The following NRXN3 variants were observed in gnomAD, a reference collection of about 807,000 sequenced individuals.
The protein encoded by NRXN3 is neurexin III.
NRXN3 carries 32 observed loss-of-function variants against 137.6 expected under a neutral mutation model. That is an observed-to-expected ratio of 0.23 (90% CI 0.18 to 0.31). NRXN3 has a LOEUF of 0.31. Among genes scored for constraint, NRXN3 ranks in the 10% least tolerant of loss-of-function variants. The pLI is 1.00. For missense variants in NRXN3, 1,574 were observed against 2,062.5 expected (o/e 0.76, Z 4.59); for synonymous variants, 798 against 784.5 (o/e 1.02, Z -0.29).
intron 15 of NRXN3, among the ~76,000 whole-genome samples, chr14:79,422,961 G>A (rs1433723657): frequency 1.3e-5 from 2 of 152,100 alleles, no homozygotes; most frequent in Admixed American, 6.5e-5. Flanking sequence ...GCCTCTCAAA[G>A]TGCTGGGATT....
intron 4 of NRXN3, among the ~76,000 whole-genome samples, chr14:78,482,616 C>T (rs552339538): frequency 2.0e-5 from 3 of 152,168 alleles, no homozygotes; most frequent in African/African-American, 7.2e-5. Flanking sequence ...GTCTCATGTA[C>T]TTCAACAAGG....
At chr14:78,269,408 G>A (rs984000066) in intron 2 of NRXN3, among the ~76,000 whole-genome samples, 10 of 152,162 alleles carry the variant, frequency 6.6e-5, no homozygotes, top group African/African-American at 2.4e-4. Context: ...CATAGACATT[G>A]AAAGTACATT....
chr14:79,467,831 G>A lies in NRXN3; in HGVS notation c.3444+429G>A, dbSNP rs565072869. Among the ~76,000 whole-genome samples, 3 of 152,302 alleles carry A rather than the reference G, an allele frequency of 2.0e-5. No individual in the cohort carries two copies. The South Asian group carries it at 6.2e-4, about 32-fold the overall frequency. ...ATAGTAAATATTTTGGACTTTGCAGGTCAGATAGTCTCTCTCAGAGCTACT... is the reference window on the plus strand; with the variant it reads ...ATAGTAAATATTTTGGACTTTGCAGATCAGATAGTCTCTCTCAGAGCTACT... On this transcript the variant is annotated intron_variant, in intron 16 of 20. Coordinates refer to ENST00000335750, the MANE Select transcript of NRXN3 (RefSeq NM_001330195.2).
At chr14:79,740,190 T>G (rs2098956171) in intron 19 of NRXN3, among the ~76,000 whole-genome samples, 1 of 152,142 alleles carries the variant, frequency 6.6e-6, no homozygotes. Flanking sequence ...GTACCAATAT[T>G]TCTTCTCTTC....
intron 15 of NRXN3, among the ~76,000 whole-genome samples, chr14:79,174,911 A>G (rs764141216): frequency 5.3e-5 from 8 of 151,912 alleles, no homozygotes; most frequent in Non-Finnish European, 1.0e-4. Flanking sequence ...GGAATATGGA[A>G]TGGGGAAAGC....
intron 10 of NRXN3, among the ~76,000 whole-genome samples, chr14:78,895,773 A>T (rs1409765584): frequency 6.6e-6 from 1 of 151,822 alleles, no homozygotes; most frequent in Non-Finnish European, 1.5e-5. Flanking sequence ...TGGGAGTATT[A>T]ATTGGCCTAA....
At chr14:79,840,254 C>T (rs2099353181) in intron 20 of NRXN3, among the ~76,000 whole-genome samples, 1 of 152,106 alleles carries the variant, frequency 6.6e-6, no homozygotes. Context: ...TCTAATTTTG[C>T]ATGAGTCCCT....
At chr14:78,250,098 A>G in intron 2 of NRXN3, 1 of 516,826 alleles carries the variant, frequency 1.9e-6, no homozygotes, top group South Asian at 1.4e-5. Context: ...TTTTTTGGAT[A>G]AGGAAGCTCG....
At chr14:79,255,671 A>G (rs2076479449) in intron 15 of NRXN3, among the ~76,000 whole-genome samples, 1 of 152,236 alleles carries the variant, frequency 6.6e-6, no homozygotes, top group Non-Finnish European at 1.5e-5. Context: ...CAAATGCTTT[A>G]GTGTAATTTT....
At chr14:79,382,475 G>T (rs1321964787) in intron 15 of NRXN3, among the ~76,000 whole-genome samples, 1 of 152,050 alleles carries the variant, frequency 6.6e-6, no homozygotes, top group African/African-American at 2.4e-5. Context: ...TTGGGAACAT[G>T]ATGTTCTGTC....
chr14:78,253,400 G>T (rs765865420), intron 2 of NRXN3, among the ~76,000 whole-genome samples: 1 of 152,164 alleles, frequency 6.6e-6, no homozygotes, highest in Non-Finnish European at 1.5e-5. Flanking sequence ...GAGTCTGGGC[G>T]CTGTGGCTCA....
chr14:79,542,383 T>C (rs2097281734), intron 16 of NRXN3, among the ~76,000 whole-genome samples: 1 of 152,200 alleles, frequency 6.6e-6, no homozygotes, highest in Non-Finnish European at 1.5e-5. Flanking sequence ...GTAAGACCCA[T>C]AATAAGAGTC....
At chr14:79,498,189 A>G (rs547714654) in intron 16 of NRXN3, among the ~76,000 whole-genome samples, 2 of 152,360 alleles carry the variant, frequency 1.3e-5, no homozygotes, top group Non-Finnish European at 2.9e-5. Flanking sequence ...AAGGGCTAAA[A>G]ATAGATGAAA....
intron 15 of NRXN3, among the ~76,000 whole-genome samples, chr14:79,045,863 G>A (rs1595337723): frequency 6.6e-6 from 1 of 152,188 alleles, no homozygotes; most frequent in Admixed American, 6.5e-5. Flanking sequence ...TTGATCTGAG[G>A]TGGGGCCTGA....
At chr14:78,721,934 G>A (rs1405478938) in intron 8 of NRXN3, among the ~76,000 whole-genome samples, 3 of 145,286 alleles carry the variant, frequency 2.1e-5, no homozygotes, top group Admixed American at 6.8e-5. Flanking sequence ...CACAGATTCA[G>A]CCTCTTTTTT....
chr14:78,348,372 T>C (rs1011492744), intron 4 of NRXN3, among the ~76,000 whole-genome samples: 1 of 152,148 alleles, frequency 6.6e-6, no homozygotes, highest in Non-Finnish European at 1.5e-5. Context: ...ACTGAATAAG[T>C]CTGTACTTTA....
intron 4 of NRXN3, among the ~76,000 whole-genome samples, chr14:78,464,089 G>A (rs1325210916): frequency 1.4e-5 from 2 of 141,432 alleles, no homozygotes; most frequent in Non-Finnish European, 3.0e-5. Flanking sequence ...GTCTGGCTCT[G>A]TTCCCCAGGC....
chr14:78,238,105 T>C (rs146709526), intron 1 of NRXN3, among the ~76,000 whole-genome samples: 40 of 151,964 alleles, frequency 2.6e-4, no homozygotes, highest in African/African-American at 9.4e-4. Flanking sequence ...AGCCACACCT[T>C]GTGGCAAATA....
rs189664532 is a variant in NRXN3 at position 79,527,166 on chromosome 14, A to G, written c.3444+59764A>G. 3.9e-3 allele frequency among the ~76,000 whole-genome samples: 594 copies of G among 151,328 alleles called. 7 individuals are homozygous for G. Among genetic ancestry groups the G allele is most frequent in the African/African-American group, 0.013 (553 of 41,276 alleles). On this transcript the variant is annotated intron_variant, in intron 16 of 20. Coordinates refer to ENST00000335750, the MANE Select transcript of NRXN3 (RefSeq NM_001330195.2). ...AAAATTAGCCGGGCATGGTGGCAGA[A>G]GCCTGTAATCCTAGCTACTCGGGAG...
Sources: gnomAD v4.1 joint callset for allele counts (sites outside exome capture counted in the v4.1 genomes callset) on GRCh38, gnomAD v4.1.1 for gene constraint, MANE v1.5 for transcripts, NCBI Gene and HGNC (gene_info 2026-07-23, HGNC 2026-07-21) for gene names.